Variants in SRL observed in about 807,000 individuals in gnomAD.
SRL encodes sarcalumenin.
SRL carries 23 observed loss-of-function variants against 39.5 expected under a neutral mutation model. The observed-to-expected ratio is 0.58, with a 90% CI of 0.42 to 0.82. The LOEUF is 0.82. Ranked by LOEUF, SRL falls within the 40% of genes least tolerant of loss-of-function variation. The pLI is 0.00. For synonymous variants in SRL, 272 were observed against 237.4 expected (o/e 1.15, Z -1.34); for missense variants, 592 against 607.8 (o/e 0.97, Z 0.27).
intron 1 of SRL, among the ~76,000 whole-genome samples, chr16:4,206,508 C>T (rs968695243): frequency 3.9e-5 from 6 of 152,132 alleles, no homozygotes; most frequent in Non-Finnish European, 7.4e-5. Context: ...GCCCCTGACT[C>T]GGAAGTACCA....
chr16:4,219,127 C>G (rs1192037453), intron 1 of SRL, among the ~76,000 whole-genome samples: 1 of 152,266 alleles, frequency 6.6e-6, no homozygotes, highest in Non-Finnish European at 1.5e-5. Context: ...TTTAGCCCAA[C>G]TCTTTCTTTT....
intron 1 of SRL, chr16:4,207,840 C>A: frequency 2.2e-6 from 1 of 456,496 alleles, no homozygotes; most frequent in Non-Finnish European, 4.4e-6. Context: ...GTCCCTTTCC[C>A]CAGGTGGAGG....
chr16:4,212,650 C>A (rs1043372508), intron 1 of SRL, among the ~76,000 whole-genome samples: 4 of 152,188 alleles, frequency 2.6e-5, no homozygotes, highest in African/African-American at 9.6e-5. Context: ...CGACTCCGGC[C>A]AGGCCAGGCC....
rs1274609701 is a variant in SRL at position 4,190,635 on chromosome 16, C to G, written c.*1518G>C. On this transcript the variant is annotated 3_prime_UTR_variant, in exon 6 of 6. Coordinates refer to ENST00000399609, the MANE Select transcript of SRL (RefSeq NM_001098814.2). ...AGAGTCTATGTGATCTCCCTAATCT[C>G]TCTTGGACAACATACACACATATTC... 2.5e-6 allele frequency: 1 copy of G among 397,372 alleles called. No homozygotes were observed. The highest frequency in any genetic ancestry group is 2.1e-5 in the African/African-American group (1 of 48,634). The allele number at this position is 397,372 out of a possible 1,614,324, so 24.6% of individuals were successfully genotyped here. A position where few individuals can be genotyped will look rare whatever the true frequency, so the allele number is the denominator to read the frequency against.
At chr16:4,210,037 G>A (rs1192454991) in intron 1 of SRL, among the ~76,000 whole-genome samples, 3 of 152,198 alleles carry the variant, frequency 2.0e-5, no homozygotes, top group Admixed American at 2.0e-4. Flanking sequence ...TGATTTGCAG[G>A]AATCCAATTT....
intron 1 of SRL, among the ~76,000 whole-genome samples, chr16:4,219,601 G>C (rs545225912): frequency 6.6e-6 from 1 of 152,260 alleles, no homozygotes; most frequent in South Asian, 2.1e-4. Flanking sequence ...GGGACTACAG[G>C]TGCATGCCAC....
At chr16:4,241,950 C>T (rs2052777377) in intron 1 of SRL, 57 bp downstream of exon 1, 3 of 1,601,448 alleles carry the variant, frequency 1.9e-6, no homozygotes, top group Non-Finnish European at 2.6e-6. Context: ...AGACAGAAAA[C>T]CTTGGAGGAA....
At chr16:4,232,139 C>G (rs1185565487) in intron 1 of SRL, among the ~76,000 whole-genome samples, 2 of 152,154 alleles carry the variant, frequency 1.3e-5, no homozygotes, top group African/African-American at 4.8e-5. Flanking sequence ...GGAGTGCTCA[C>G]CAGCTTAACT....
intron 1 of SRL, among the ~76,000 whole-genome samples, chr16:4,214,026 T>C (rs1597282449): frequency 6.6e-6 from 1 of 152,318 alleles, no homozygotes; most frequent in Admixed American, 6.5e-5. Context: ...CTTCTGGGGC[T>C]GGGTCAACGT....
intron 1 of SRL, among the ~76,000 whole-genome samples, chr16:4,228,510 C>T (rs189281961): frequency 1.2e-3 from 183 of 151,710 alleles, no homozygotes; most frequent in Admixed American, 3.1e-3. Flanking sequence ...CCGAGGCGGG[C>T]GGATCACTAG....
At chr16:4,206,897 A>G (rs1384725316) in intron 1 of SRL, 2 of 456,130 alleles carry the variant, frequency 4.4e-6, no homozygotes, top group Non-Finnish European at 8.8e-6. Context: ...GAAGCTCTGC[A>G]CCTTCCTGGG....
rs1449401635 is a variant in SRL at position 4,192,872 on chromosome 16, C to T, written c.703G>A (p.Glu235Lys). 23 of 1,614,196 alleles carry T rather than the reference C, an allele frequency of 1.4e-5. No individual in the cohort carries two copies. Among genetic ancestry groups the T allele is most frequent in the Non-Finnish European group, 1.9e-5 (23 of 1,180,036 alleles). The change falls in exon 6 of 6, where the codon GAG (glutamate) becomes AAG (lysine). Residue 235 changes from glutamate (E) to lysine (K), a missense_variant. Glu to Lys is a moderately conservative substitution (Grantham distance 56). Transcript: ENST00000399609. The surrounding 1 kb of genome is among the most constrained non-coding windows in gnomAD (Gnocchi z 4.0). ...FDPTKLDVGL[E>K]LEMLFRQLKG... ...AACTGGCGGAAGAGCATCTCCAGCT[C>T]TAGACCCACATCCAGCTTTGTTGGG...
chr16:4,222,157 G>C, intron 1 of SRL, among the ~76,000 whole-genome samples: 1 of 151,922 alleles, frequency 6.6e-6, no homozygotes, highest in Non-Finnish European at 1.5e-5. Context: ...CTGGCCCCTC[G>C]CTAATCCCAG....
intron 1 of SRL, among the ~76,000 whole-genome samples, chr16:4,217,577 A>T (rs1309200842): frequency 6.7e-6 from 1 of 150,214 alleles, no homozygotes; most frequent in Non-Finnish European, 1.5e-5. Flanking sequence ...TGGCGCCCCC[A>T]CCCCCCGCTG....
chr16:4,200,414 G>C (rs1051737883), intron 3 of SRL, among the ~76,000 whole-genome samples: 1 of 152,176 alleles, frequency 6.6e-6, no homozygotes, highest in Non-Finnish European at 1.5e-5. Context: ...ACAGCAGGGG[G>C]CACCGCTGGC....
intron 1 of SRL, among the ~76,000 whole-genome samples, chr16:4,236,989 TG>T (rs1279729728): frequency 6.6e-6 from 1 of 151,298 alleles, no homozygotes; most frequent in Non-Finnish European, 1.5e-5. Context: ...TTGCCGAGGT[TG>T]GGGTACAATA....
intron 1 of SRL, among the ~76,000 whole-genome samples, chr16:4,221,663 TG>T (rs1354495768): frequency 6.6e-6 from 1 of 152,236 alleles, no homozygotes; most frequent in Non-Finnish European, 1.5e-5. Flanking sequence ...ATTTGTTCTA[TG>T]GGGCTGCTGT....
At chr16:4,241,202 C>G (rs1415148615) in intron 1 of SRL, among the ~76,000 whole-genome samples, 3 of 152,136 alleles carry the variant, frequency 2.0e-5, no homozygotes, top group African/African-American at 4.8e-5. Flanking sequence ...TAAAAGCATT[C>G]CCTCGGGGAA....
At chr16:4,204,793 C>T (rs2052297483) in intron 1 of SRL, among the ~76,000 whole-genome samples, 159 bp from the exon 2 acceptor site, 1 of 152,230 alleles carries the variant, frequency 6.6e-6, no homozygotes, top group East Asian at 1.9e-4. Context: ...GGAATTTGAT[C>T]ATCCAGACTC....
Sources: gnomAD v4.1 joint callset for allele counts (sites outside exome capture counted in the v4.1 genomes callset) on GRCh38, gnomAD v4.1.1 for gene constraint, Gnocchi (gnomAD v3.1) non-coding constraint, MANE v1.5 for transcripts, NCBI Gene and HGNC (gene_info 2026-07-23, HGNC 2026-07-21) for gene names.